C2orf76: variants seen among roughly 807,000 people sequenced by gnomAD.
C2orf76 encodes the protein chromosome 2 open reading frame 76, also known as UPF0538 protein C2orf76.
Under a neutral mutation model 16.9 loss-of-function variants are expected in C2orf76, and 23 were observed. The ratio of observed to expected loss-of-function variants is 1.36; its 90% CI spans 0.98 to 1.93. The LOEUF (loss-of-function observed/expected upper bound fraction) is 1.93. C2orf76 is among the 30% of genes most tolerant of loss of function. The pLI is 0.00. For missense variants in C2orf76, 152 were observed against 152.6 expected (o/e 1.00, Z 0.02); for synonymous variants, 48 against 52.3 (o/e 0.92, Z 0.35).
chr2:119,336,444 G>A (rs2104596103), intron 2 of C2orf76, among the ~76,000 whole-genome samples: 1 of 151,564 alleles, frequency 6.6e-6, no homozygotes, highest in African/African-American at 2.4e-5. Context: ...ATATTTATAT[G>A]TAAATATATA....
At chr2:119,316,552 C>T (rs945552186) in intron 4 of C2orf76, among the ~76,000 whole-genome samples, 1 of 152,206 alleles carries the variant, frequency 6.6e-6, no homozygotes, top group Non-Finnish European at 1.5e-5. Flanking sequence ...GACATAGCCT[C>T]ATGCCATTTT....
intron 2 of C2orf76, among the ~76,000 whole-genome samples, chr2:119,332,015 T>C (rs994051167): frequency 1.3e-5 from 2 of 148,212 alleles, no homozygotes; most frequent in Admixed American, 6.7e-5. Context: ...TAAGTCTCCA[T>C]AAAAAAAAAA....
chr2:119,284,685 T>G, the C2orf76 span, among the ~76,000 whole-genome samples: 11 of 151,464 alleles, frequency 7.3e-5, no homozygotes, highest in Middle Eastern at 3.4e-3. Flanking sequence ...ATTTTGGTTT[T>G]TTTTTTTTTT....
intron 2 of C2orf76, among the ~76,000 whole-genome samples, chr2:119,324,941 A>C (rs932148123): frequency 7.9e-5 from 12 of 152,218 alleles, no homozygotes; most frequent in Non-Finnish European, 1.8e-4. Context: ...AGCTGGGAAC[A>C]TTCACATGGA....
At chr2:119,366,492 C>T (rs1310158916) in intron 1 of C2orf76, 1 of 471,698 alleles carries the variant, frequency 2.1e-6, no homozygotes, top group Non-Finnish European at 4.4e-6. Context: ...GTCCAGCTTT[C>T]CACCATCACG....
At chr2:119,362,040 AC>A (rs1573696448) in intron 1 of C2orf76, among the ~76,000 whole-genome samples, 1 of 151,888 alleles carries the variant, frequency 6.6e-6, no homozygotes, top group East Asian at 1.9e-4. Context: ...ATTTTTTTCC[AC>A]CTCTGCCATC....
chr2:119,345,257 T>C (rs987121667), intron 1 of C2orf76, among the ~76,000 whole-genome samples: 4 of 152,300 alleles, frequency 2.6e-5, no homozygotes, highest in Middle Eastern at 3.4e-3. Flanking sequence ...TGTGAAAAGA[T>C]CAGCTTTACT....
intron 1 of C2orf76, among the ~76,000 whole-genome samples, chr2:119,354,633 T>C (rs1297971890): frequency 6.6e-6 from 1 of 152,222 alleles, no homozygotes; most frequent in African/African-American, 2.4e-5. Flanking sequence ...TTTAGCTGCA[T>C]AATACAAATG....
chr2:119,366,247 C>A, intron 1 of C2orf76: 1 of 373,474 alleles, frequency 2.7e-6, no homozygotes, highest in Non-Finnish European at 5.3e-6. Context: ...AGTTACCCAA[C>A]AGGAGTTCAA....
intron 1 of C2orf76, among the ~76,000 whole-genome samples, chr2:119,355,735 T>A (rs1296169678): frequency 6.6e-6 from 1 of 151,760 alleles, no homozygotes; most frequent in African/African-American, 2.4e-5. Flanking sequence ...CCCAAAACCA[T>A]CCCCCTACCA....
intron 1 of C2orf76, among the ~76,000 whole-genome samples, chr2:119,357,820 C>A (rs1305213306): frequency 1.3e-5 from 2 of 152,058 alleles, no homozygotes; most frequent in Admixed American, 1.3e-4. Context: ...ACATGATTAT[C>A]TACACAGAAA....
At chr2:119,290,748 T>G in the C2orf76 span, among the ~76,000 whole-genome samples, 1 of 152,080 alleles carries the variant, frequency 6.6e-6, no homozygotes, top group Non-Finnish European at 1.5e-5. Flanking sequence ...GAGACTCGCT[T>G]GAACCTGGGA....
At position 119,326,196 on chromosome 2, in the gene C2orf76, T is replaced by G. The variant is rs992181702; in HGVS notation, c.134-4992A>C. Among the ~76,000 whole-genome samples the G allele has an allele frequency of 6.6e-5, 10 of 152,218 alleles. 2 individuals are homozygous for G. Reference sequence around the variant, plus strand: ...GTTTGTTGCTGTTTTCTTCTAGATGTTTTATAGTTTTACCTTTTACATTTA... The same window carrying G: ...GTTTGTTGCTGTTTTCTTCTAGATGGTTTATAGTTTTACCTTTTACATTTA... On this transcript the variant is annotated intron_variant, in intron 2 of 5. Transcript: ENST00000334816.
At chr2:119,313,190 G>A (rs888876938) in intron 4 of C2orf76, among the ~76,000 whole-genome samples, 6 of 152,102 alleles carry the variant, frequency 3.9e-5, no homozygotes, top group African/African-American at 1.4e-4. Context: ...CCTCTCAGCA[G>A]CCAAATCAGA....
At chr2:119,312,675 G>A (rs1679033964) in intron 4 of C2orf76, among the ~76,000 whole-genome samples, 1 of 152,146 alleles carries the variant, frequency 6.6e-6, no homozygotes, top group Non-Finnish European at 1.5e-5. Flanking sequence ...GGGTAAATGA[G>A]AGTGCTCTCC....
chr2:119,292,511 T>C, the C2orf76 span, among the ~76,000 whole-genome samples: 3 of 152,138 alleles, frequency 2.0e-5, no homozygotes, highest in South Asian at 6.3e-4. Context: ...AAAAACAAAC[T>C]AACTTTCAAC....
chr2:119,344,579 TG>T (rs1209505069), intron 1 of C2orf76, among the ~76,000 whole-genome samples: 1 of 152,148 alleles, frequency 6.6e-6, no homozygotes, highest in Non-Finnish European at 1.5e-5. Flanking sequence ...AAGAGCTGTT[TG>T]GGAATCTTGA....
chr2:119,345,639 G>A (rs1211572036), intron 1 of C2orf76, among the ~76,000 whole-genome samples: 2 of 152,186 alleles, frequency 1.3e-5, no homozygotes, highest in South Asian at 2.1e-4. Context: ...CCAAGTGAGG[G>A]TTGGTAGAAA....
At chr2:119,338,141 A>C (rs1679909910) in intron 2 of C2orf76, among the ~76,000 whole-genome samples, 1 of 152,232 alleles carries the variant, frequency 6.6e-6, no homozygotes. Context: ...ACTGTCAGAG[A>C]CCAGGAAGTG....
Sources: gnomAD v4.1 joint callset for allele counts (sites outside exome capture counted in the v4.1 genomes callset) on GRCh38, gnomAD v4.1.1 for gene constraint, MANE v1.5 for transcripts, NCBI Gene and HGNC (gene_info 2026-07-23, HGNC 2026-07-21) for gene names.